Variants in ATP8B4 observed in about 807,000 individuals in gnomAD.
ATP8B4 encodes ATPase phospholipid transporting 8B4 (putative), also known as probable phospholipid-transporting ATPase IM.
A neutral mutation model predicts 145.6 loss-of-function variants in ATP8B4; 133 were observed. That is an observed-to-expected ratio of 0.91 (90% CI 0.79 to 1.05). The LOEUF is 1.05. Ranked by LOEUF, ATP8B4 falls within the 50% of genes least tolerant of loss-of-function variation. The pLI is 0.00. For synonymous variants in ATP8B4, 507 were observed against 492.9 expected, an observed-to-expected ratio of 1.03 and a Z score of -0.38; for missense variants, 1,458 against 1,425.2, an observed-to-expected ratio of 1.02 and a Z score of -0.37.
At chr15:49,885,943 G>A (rs2036133097) in intron 23 of ATP8B4, 1 of 152,194 alleles carries the variant, frequency 6.6e-6, no homozygotes, top group African/African-American at 2.4e-5. Flanking sequence ...GGTCAGCATG[G>A]GAGGGGGAGT....
At chr15:50,172,676 G>A (rs1198484630) in intron 1 of ATP8B4, among the ~76,000 whole-genome samples, 7 of 151,790 alleles carry the variant, frequency 4.6e-5, no homozygotes, top group East Asian at 2.0e-4. Context: ...CTTCCCGGCC[G>A]TCATCCCATC....
At chr15:49,942,092 T>C (rs980262850) in intron 14 of ATP8B4, among the ~76,000 whole-genome samples, 4 of 152,148 alleles carry the variant, frequency 2.6e-5, no homozygotes, top group Admixed American at 2.0e-4. Context: ...TGAGATACAA[T>C]GCACACTACT....
At chr15:50,112,978 T>C (rs16963311) in intron 1 of ATP8B4, among the ~76,000 whole-genome samples, 16,432 of 152,118 alleles carry the variant, frequency 0.11, 1,317 homozygotes, top group East Asian at 0.25. Context: ...AGTGTGGTCT[T>C]GAGCAGGAGC....
chr15:49,932,285 G>A (rs1395942292), intron 15 of ATP8B4, among the ~76,000 whole-genome samples: 1 of 151,804 alleles, frequency 6.6e-6, no homozygotes, highest in African/African-American at 2.4e-5. Flanking sequence ...AGAGGAAAGG[G>A]TGAAATGATA....
intron 2 of ATP8B4, among the ~76,000 whole-genome samples, chr15:50,085,906 T>TATAAATATATATGATATATATC (rs2054911899): frequency 2.0e-5 from 2 of 100,756 alleles, no homozygotes; most frequent in Non-Finnish European, 3.8e-5. Flanking sequence ...ATATATCATA[T>TATAAATATATATGATATATATC]ATATTTATAT....
chr15:49,868,958 G>C (rs189899394), intron 25 of ATP8B4, among the ~76,000 whole-genome samples: 70 of 152,278 alleles, frequency 4.6e-4, no homozygotes, highest in South Asian at 1.7e-3. Context: ...TCTTGCTCTT[G>C]TCGCCAATGG....
intron 20 of ATP8B4, among the ~76,000 whole-genome samples, chr15:49,911,969 G>T (rs1472628508): frequency 2.0e-5 from 3 of 151,892 alleles, no homozygotes; most frequent in African/African-American, 7.3e-5. Context: ...AAAATGAAAA[G>T]ATTTCCTCAA....
At chr15:49,988,176 G>A (rs1336058047) in intron 9 of ATP8B4, among the ~76,000 whole-genome samples, 2 of 152,104 alleles carry the variant, frequency 1.3e-5, no homozygotes, top group Non-Finnish European at 2.9e-5. Context: ...CCCCTAACTG[G>A]CTAGAAGATG....
At chr15:49,949,118 T>C (rs1567055758) in intron 14 of ATP8B4, among the ~76,000 whole-genome samples, 1 of 152,202 alleles carries the variant, frequency 6.6e-6, no homozygotes, top group Non-Finnish European at 1.5e-5. Context: ...TCCAGCCTTG[T>C]TATTTTTGCT....
intron 20 of ATP8B4, chr15:49,902,008 A>G (rs1275499325): frequency 9.0e-6 from 2 of 221,026 alleles, no homozygotes; most frequent in Non-Finnish European, 1.8e-5. Context: ...GGAAGATTGT[A>G]TGGTGACATA....
chr15:50,142,503 G>T lies in ATP8B4; in HGVS notation c.-42-35495C>A, dbSNP rs8041212. ...AACTCTAGCCTAGATTTAACCCTAC[G>T]GATCTGTTTTGTATTTTAATAGAGG... is the stretch of plus-strand genomic sequence containing the variant. On this transcript the variant is annotated intron_variant, in intron 1 of 3. Coordinates refer to the ATP8B4 transcript ENST00000558829. Among the ~76,000 whole-genome samples, 617 of 152,048 alleles carry T rather than the reference G, an allele frequency of 4.1e-3. 7 individuals carry two copies. Among genetic ancestry groups the T allele is most frequent in the African/African-American group, 0.014 (578 of 41,458 alleles).
At chr15:49,922,004 A>C (rs1456646235) in intron 17 of ATP8B4, among the ~76,000 whole-genome samples, 1 of 152,252 alleles carries the variant, frequency 6.6e-6, no homozygotes, top group Non-Finnish European at 1.5e-5. Context: ...CACAACAGTG[A>C]ATGAACAATA....
intron 12 of ATP8B4, among the ~76,000 whole-genome samples, chr15:49,974,161 C>A (rs1193033212): frequency 6.7e-6 from 1 of 149,238 alleles, no homozygotes; most frequent in African/African-American, 2.5e-5. Flanking sequence ...CGGCTCACTG[C>A]AACTTCCGCC....
At chr15:50,021,843 T>G (rs536641516) in intron 6 of ATP8B4, among the ~76,000 whole-genome samples, 63 of 152,272 alleles carry the variant, frequency 4.1e-4, no homozygotes, top group African/African-American at 1.5e-3. Context: ...TCAATACATA[T>G]TGGTGAAGGA....
chr15:49,977,249 G>T (rs1329238463), intron 12 of ATP8B4, among the ~76,000 whole-genome samples: 2 of 152,066 alleles, frequency 1.3e-5, no homozygotes, highest in African/African-American at 4.8e-5. Flanking sequence ...AGAAATACCT[G>T]GGTGTTCTCT....
intron 1 of ATP8B4, among the ~76,000 whole-genome samples, chr15:50,145,990 A>T (rs943151531): frequency 3.5e-4 from 51 of 146,622 alleles, no homozygotes; most frequent in African/African-American, 1.3e-3. Flanking sequence ...TATAGTTTTT[A>T]CTCTTGAACC....
intron 14 of ATP8B4, among the ~76,000 whole-genome samples, chr15:49,950,053 T>G (rs1326913456): frequency 6.6e-6 from 1 of 152,206 alleles, no homozygotes; most frequent in African/African-American, 2.4e-5. Flanking sequence ...GCTGGTGGAT[T>G]CAGTTTGCCA....
At chr15:50,101,197 G>GA (rs747098099) in intron 2 of ATP8B4, among the ~76,000 whole-genome samples, 54 of 152,194 alleles carry the variant, frequency 3.5e-4, no homozygotes, top group Non-Finnish European at 1.2e-4. Flanking sequence ...TGAAAAATGG[G>GA]ATATATGCCA....
intron 6 of ATP8B4, among the ~76,000 whole-genome samples, chr15:50,029,255 A>AAAAAAC (rs776952913): frequency 1.4e-5 from 2 of 141,164 alleles, no homozygotes; most frequent in Non-Finnish European, 3.2e-5. Context: ...AAAAAAAAAA[A>AAAAAAC]AACAGAAAAA....
Sources: allele counts gnomAD v4.1 joint callset (sites outside exome capture counted in the v4.1 genomes callset), GRCh38; gene constraint gnomAD v4.1.1; transcripts MANE v1.5; gene names NCBI Gene and HGNC (gene_info 2026-07-23, HGNC 2026-07-21).